The following WDR70 variants were observed in gnomAD, a reference collection of about 807,000 sequenced individuals.
WDR70 encodes WD repeat-containing protein 70.
In WDR70, 53 loss-of-function variants were observed where a neutral mutation model predicts 88.6. That is an observed-to-expected ratio of 0.60 (90% CI 0.48 to 0.75). The LOEUF (loss-of-function observed/expected upper bound fraction) is 0.75. Among genes scored for constraint, WDR70 ranks in the 30% least tolerant of loss-of-function variants. The pLI, the probability that WDR70 is intolerant of heterozygous loss-of-function variation, is 0.00. For missense variants in WDR70, 610 were observed against 823.2 expected, an observed-to-expected ratio of 0.74 and a Z score of 3.17; for synonymous variants, 280 against 270.0, an observed-to-expected ratio of 1.04 and a Z score of -0.36.
chr5:37,621,986 A>G (rs1561926286), intron 10 of WDR70, among the ~76,000 whole-genome samples: 1 of 152,206 alleles, frequency 6.6e-6, no homozygotes, highest in Non-Finnish European at 1.5e-5. Context: ...TAAATAGGGA[A>G]TAGTTTCCCC....
At chr5:37,603,858 A>T (rs515404) in intron 9 of WDR70, among the ~76,000 whole-genome samples, 3 of 151,786 alleles carry the variant, frequency 2.0e-5, no homozygotes, top group African/African-American at 7.3e-5. Flanking sequence ...CATCTTTAGC[A>T]TATCAAATTC....
At chr5:37,725,760 C>A (rs1031235261) in intron 16 of WDR70, among the ~76,000 whole-genome samples, 2 of 151,932 alleles carry the variant, frequency 1.3e-5, no homozygotes, top group Non-Finnish European at 2.9e-5. Context: ...AACTATGCAC[C>A]TTAGTCTCAA....
At chr5:37,582,957 T>A (rs1212016907) in intron 9 of WDR70, among the ~76,000 whole-genome samples, 1 of 152,246 alleles carries the variant, frequency 6.6e-6, no homozygotes, top group East Asian at 1.9e-4. Context: ...GCTTAGGTGG[T>A]TCCACTTGCT....
At position 37,506,845 on chromosome 5, in the gene WDR70, G is replaced by A. The variant is rs536927196; in HGVS notation, c.841-9669G>A. The A allele has an allele frequency of 6.3e-6, 8 of 1,262,838 alleles. No individual in the cohort carries two copies. In the African/African-American group the frequency reaches 1.2e-4, roughly 18 times the overall value. 78.2% of individuals were successfully genotyped at this position (1,262,838 alleles called of 1,614,324 possible). On this transcript the variant is annotated intron_variant, in intron 8 of 17. Transcript: ENST00000265107. ...TTGGGGGCTGCTGTTCAGGAACAGG[G>A]TCACCCGCCTCATTGCGCTGCCCCC...
At chr5:37,713,534 T>G (rs1747574638) in intron 13 of WDR70, among the ~76,000 whole-genome samples, 1 of 151,922 alleles carries the variant, frequency 6.6e-6, no homozygotes, top group South Asian at 2.1e-4. Context: ...TAGACATGAT[T>G]GCCATGAATG....
At position 37,452,267 on chromosome 5, in the gene WDR70, AT is replaced by A. The variant is rs35672808; in HGVS notation, c.686+8910del. ...GAAGCCTTTCTTTATTTTGAGACTG[AT>A]TTTTTTTTTTTTTTGAGATGGAGTC... On this transcript the variant is annotated intron_variant, in intron 7 of 17. Transcript: ENST00000265107. 3.1e-3 allele frequency among the ~76,000 whole-genome samples: 441 copies of A among 141,608 alleles called. 1 individual carries two copies. Among genetic ancestry groups the A allele is most frequent in the African/African-American group, 7.6e-3 (291 of 38,536 alleles). 92.9% of individuals were successfully genotyped at this position (141,608 alleles called of 152,430 possible). A position where few individuals can be genotyped will look rare whatever the true frequency, so the allele number is the denominator to read the frequency against.
chr5:37,674,975 G>T (rs1434647928), intron 10 of WDR70, among the ~76,000 whole-genome samples: 2 of 151,100 alleles, frequency 1.3e-5, no homozygotes, highest in Non-Finnish European at 3.0e-5. Context: ...GCATTTCTCT[G>T]ATGGCTAGTG....
At chr5:37,425,258 C>T (rs1750086599) in intron 5 of WDR70, among the ~76,000 whole-genome samples, 2 of 152,084 alleles carry the variant, frequency 1.3e-5, no homozygotes, top group Non-Finnish European at 2.9e-5. Context: ...CTCAAAAAAA[C>T]AACAAAGAAG....
At chr5:37,476,817 C>T (rs1386937162) in intron 7 of WDR70, among the ~76,000 whole-genome samples, 10 of 152,114 alleles carry the variant, frequency 6.6e-5, no homozygotes, top group South Asian at 2.1e-4. Flanking sequence ...CAAACTGTGG[C>T]GTGAGCCACT....
intron 12 of WDR70, among the ~76,000 whole-genome samples, chr5:37,701,718 G>A (rs1310493737): frequency 3.3e-5 from 5 of 150,998 alleles, no homozygotes; most frequent in African/African-American, 1.2e-4. Context: ...CCTGGGAGGC[G>A]GAGCTTACAG....
At chr5:37,426,590 A>G (rs1750130941) in intron 5 of WDR70, among the ~76,000 whole-genome samples, 1 of 152,194 alleles carries the variant, frequency 6.6e-6, no homozygotes, top group Non-Finnish European at 1.5e-5. Context: ...GACAGCTGGA[A>G]GGCTGGCTCC....
chr5:37,528,227 C>T (rs961246545), intron 9 of WDR70, among the ~76,000 whole-genome samples: 2 of 152,164 alleles, frequency 1.3e-5, no homozygotes, highest in Non-Finnish European at 1.5e-5. Context: ...TTGGAACCAA[C>T]CCAAATGTCC....
chr5:37,629,313 T>G (rs1744751555), intron 10 of WDR70, among the ~76,000 whole-genome samples: 2 of 152,312 alleles, frequency 1.3e-5, no homozygotes, highest in East Asian at 3.9e-4. Context: ...ACCTAAATGC[T>G]CATCTCTCTC....
chr5:37,563,089 G>A (rs750658061), intron 9 of WDR70, among the ~76,000 whole-genome samples: 1,649 of 36,062 alleles, frequency 0.046, 222 homozygotes, highest in African/African-American at 0.11. Flanking sequence ...GACCCCCCCC[G>A]CCTCCCTCCC....
intron 10 of WDR70, among the ~76,000 whole-genome samples, chr5:37,643,586 G>A (rs1392919795): frequency 6.6e-6 from 1 of 151,492 alleles, no homozygotes; most frequent in Non-Finnish European, 1.5e-5. Flanking sequence ...AATAGTATGG[G>A]CATTTTAACA....
intron 9 of WDR70, among the ~76,000 whole-genome samples, chr5:37,604,182 A>G (rs554995402): frequency 6.6e-6 from 1 of 152,208 alleles, no homozygotes; most frequent in African/African-American, 2.4e-5. Context: ...TGCTTATTTT[A>G]GTAGATGTCT....
chr5:37,545,592 G>A (rs1357785211), intron 9 of WDR70, among the ~76,000 whole-genome samples: 2 of 151,268 alleles, frequency 1.3e-5, no homozygotes, highest in South Asian at 2.1e-4. Flanking sequence ...GGAGCGCAGT[G>A]GCTGATCTCA....
intron 5 of WDR70, among the ~76,000 whole-genome samples, chr5:37,404,743 C>A (rs1479229783): frequency 2.6e-5 from 4 of 151,896 alleles, no homozygotes; most frequent in Non-Finnish European, 5.9e-5. Context: ...AATCCTGTTC[C>A]TTCTCTAAGT....
At chr5:37,481,790 C>T (rs549142357) in intron 8 of WDR70, among the ~76,000 whole-genome samples, 89 of 152,278 alleles carry the variant, frequency 5.8e-4, no homozygotes, top group Non-Finnish European at 8.1e-4. Flanking sequence ...CATCATCAGG[C>T]TACAGATTTT....
Sources: gnomAD v4.1 joint callset for allele counts (sites outside exome capture counted in the v4.1 genomes callset) on GRCh38, gnomAD v4.1.1 for gene constraint, MANE v1.5 for transcripts, NCBI Gene and HGNC (gene_info 2026-07-23, HGNC 2026-07-21) for gene names.